The following SENP7 variants were observed in gnomAD, a reference collection of about 807,000 sequenced individuals.
SENP7 encodes SUMO specific peptidase 7, also known as sentrin-specific protease 7.
Under a neutral mutation model 141.2 loss-of-function variants are expected in SENP7, and 64 were observed. The ratio of observed to expected loss-of-function variants is 0.45; its 90% CI spans 0.37 to 0.56. The LOEUF (loss-of-function observed/expected upper bound fraction) is 0.56. Ranked by LOEUF, SENP7 falls within the 20% of genes least tolerant of loss-of-function variation. SENP7 has a pLI of 0.00. For synonymous variants in SENP7, 382 were observed against 426.4 expected (o/e 0.90, Z 1.28); for missense variants, 1,025 against 1,212.2 (o/e 0.85, Z 2.29).
intron 6 of SENP7, among the ~76,000 whole-genome samples, chr3:101,375,797 A>C (rs2060311758): frequency 6.6e-6 from 1 of 152,198 alleles, no homozygotes; most frequent in African/African-American, 2.4e-5. Context: ...CATAAAAAGG[A>C]ATGAACTTGT....
intron 1 of SENP7, among the ~76,000 whole-genome samples, chr3:101,501,522 A>G (rs2065377955): frequency 6.6e-6 from 1 of 152,154 alleles, no homozygotes; most frequent in Non-Finnish European, 1.5e-5. Context: ...TTAGAAGTTG[A>G]GAATATTCTA....
intron 3 of SENP7, among the ~76,000 whole-genome samples, chr3:101,462,541 CAAAA>C (rs77403601): frequency 8.1e-5 from 10 of 123,166 alleles, no homozygotes; most frequent in Non-Finnish European, 1.7e-4. Flanking sequence ...AACTCTGTCT[CAAAA>C]AAAAAAAAGA....
At chr3:101,414,182 T>C (rs1388072956) in intron 5 of SENP7, 4 of 538,200 alleles carry the variant, frequency 7.4e-6, no homozygotes, top group Non-Finnish European at 1.3e-5. Context: ...TAAAAATAAC[T>C]ATATATGGCC....
intron 4 of SENP7, among the ~76,000 whole-genome samples, chr3:101,456,493 T>C (rs766367169): frequency 2.0e-5 from 3 of 152,172 alleles, no homozygotes; most frequent in Non-Finnish European, 4.4e-5. Context: ...ATTAAATAGA[T>C]GTTATAATGT....
At position 101,372,059 on chromosome 3, in the gene SENP7, G is replaced by A. The variant is rs762362470; in HGVS notation, c.745C>T (p.Arg249Ter). ...AKQTAHNKEK[R>*]RKDDGISLLI... ...AGAGAAATGCCATCATCCTTTCTTC[G>A]TTTTTCTTTATTGTGCGCAGTCTGC... Residue 249 changes from arginine (R) to a stop codon, truncating the protein, a stop_gained, in exon 7 of 24, where the codon CGA becomes TGA. Coordinates refer to ENST00000394095, the MANE Select transcript of SENP7 (RefSeq NM_020654.5). LOFTEE classifies it high-confidence loss of function. 3 of 1,566,140 alleles carry A rather than the reference G, an allele frequency of 1.9e-6. No homozygotes were observed. The highest frequency in any genetic ancestry group is 2.6e-6 in the Non-Finnish European group (3 of 1,149,030).
At chr3:101,425,767 T>TA (rs1015737556) in intron 4 of SENP7, among the ~76,000 whole-genome samples, 3 of 151,838 alleles carry the variant, frequency 2.0e-5, no homozygotes, top group Non-Finnish European at 2.9e-5. Context: ...AGAATCACAA[T>TA]AAAAAAATGC....
intron 3 of SENP7, among the ~76,000 whole-genome samples, chr3:101,485,285 C>A (rs2064678870): frequency 1.3e-5 from 2 of 152,066 alleles, no homozygotes; most frequent in Non-Finnish European, 2.9e-5. Context: ...GGGTCACCTC[C>A]TGGCAGGAGG....
chr3:101,410,286 G>A (rs768089719), intron 5 of SENP7, among the ~76,000 whole-genome samples: 1 of 152,080 alleles, frequency 6.6e-6, no homozygotes, highest in Non-Finnish European at 1.5e-5. Context: ...AGTAGATGTT[G>A]GCATGGATGT....
At chr3:101,357,977 T>A (rs4683892) in intron 11 of SENP7, 216,895 of 613,044 alleles carry the variant, frequency 0.35, 42,611 homozygotes, top group Admixed American at 0.59. Flanking sequence ...ACCCCTTTTT[T>A]CACATAAGAA....
intron 12 of SENP7, among the ~76,000 whole-genome samples, chr3:101,350,912 A>G (rs2059596286): frequency 6.6e-6 from 1 of 152,052 alleles, no homozygotes; most frequent in African/African-American, 2.4e-5. Flanking sequence ...AACAATTATC[A>G]TAACATAGTT....
chr3:101,422,402 T>TA (rs1165082949), intron 4 of SENP7, among the ~76,000 whole-genome samples: 3 of 152,212 alleles, frequency 2.0e-5, no homozygotes, highest in African/African-American at 7.2e-5. Context: ...CAGTGGTGGT[T>TA]AAAATCTACC....
intron 14 of SENP7, among the ~76,000 whole-genome samples, chr3:101,343,460 T>C (rs994900077): frequency 6.6e-6 from 1 of 152,122 alleles, no homozygotes; most frequent in Non-Finnish European, 1.5e-5. Context: ...CAGTTATCTA[T>C]TTATATAAAT....
chr3:101,499,963 T>G (rs1054169879), intron 2 of SENP7, among the ~76,000 whole-genome samples: 5 of 152,100 alleles, frequency 3.3e-5, no homozygotes, highest in African/African-American at 1.2e-4. Flanking sequence ...CCACTTAAAC[T>G]AAATCCAGAG....
rs57288874 is a variant in SENP7, at chr3:101,497,760, G to A, written c.90+3310C>T. 2.8e-3 allele frequency among the ~76,000 whole-genome samples: 422 copies of A among 152,214 alleles called. 1 individual carries two copies. The highest frequency in any genetic ancestry group is 9.6e-3 in the African/African-American group (397 of 41,520). ...GGAGGATCTCTAAATAAATAAATAA[G>A]TAAGTAAGTAAGTGGGGGAAGAGGA... On this transcript the variant is annotated intron_variant, in intron 2 of 23. Coordinates refer to ENST00000394095, the MANE Select transcript of SENP7 (RefSeq NM_020654.5).
intron 3 of SENP7, among the ~76,000 whole-genome samples, chr3:101,485,151 A>C (rs1294444862): frequency 6.6e-6 from 1 of 151,636 alleles, no homozygotes; most frequent in African/African-American, 2.4e-5. Flanking sequence ...CCCCACCTCC[A>C]CCTGATGGTC....
intron 11 of SENP7, among the ~76,000 whole-genome samples, chr3:101,356,176 A>C (rs1291369981): frequency 6.6e-6 from 1 of 152,152 alleles, no homozygotes; most frequent in East Asian, 1.9e-4. Flanking sequence ...TATTACTCTG[A>C]ACACCTACCT....
At chr3:101,347,796 A>C in intron 13 of SENP7, 76 bp downstream of exon 13, 8 of 656,710 alleles carry the variant, frequency 1.2e-5, no homozygotes, top group Non-Finnish European at 1.7e-5. Context: ...ATAACATTCT[A>C]TTAAATTATT....
chr3:101,462,880 AG>A (rs1489780044), intron 3 of SENP7, among the ~76,000 whole-genome samples: 1 of 152,154 alleles, frequency 6.6e-6, no homozygotes, highest in Admixed American at 6.5e-5. Flanking sequence ...AAAAAAAAGA[AG>A]AAACCACTAA....
At chr3:101,432,050 G>A (rs1487011577) in intron 4 of SENP7, among the ~76,000 whole-genome samples, 1 of 152,102 alleles carries the variant, frequency 6.6e-6, no homozygotes, top group Non-Finnish European at 1.5e-5. Context: ...TGGAGCAGAG[G>A]GGAGCTCACT....
Sources: allele counts gnomAD v4.1 joint callset (sites outside exome capture counted in the v4.1 genomes callset), GRCh38; gene constraint gnomAD v4.1.1; transcripts MANE v1.5; gene names NCBI Gene and HGNC (gene_info 2026-07-23, HGNC 2026-07-21).